Variants in COL4A4 observed in about 807,000 individuals in gnomAD.
The protein encoded by COL4A4 is collagen alpha-4(IV) chain.
In COL4A4, 105 loss-of-function variants were observed where a neutral mutation model predicts 192.9. The observed-to-expected ratio is 0.54, with a 90% CI of 0.46 to 0.64. The LOEUF is 0.64. COL4A4 is among the 30% of genes least tolerant of loss of function. The pLI, the probability that COL4A4 is intolerant of heterozygous loss-of-function variation, is 0.00. For missense variants in COL4A4, 1,967 were observed against 2,169.3 expected (o/e 0.91, Z 1.85); for synonymous variants, 762 against 769.9 (o/e 0.99, Z 0.17).
At chr2:227,024,121 C>A (rs1966565710) in intron 43 of COL4A4, among the ~76,000 whole-genome samples, 1 of 152,182 alleles carries the variant, frequency 6.6e-6, no homozygotes, top group Admixed American at 6.5e-5. Flanking sequence ...CCAGGGCATT[C>A]TGGCTCCAAA....
intron 24 of COL4A4, among the ~76,000 whole-genome samples, chr2:227,079,021 C>T (rs2059184810): frequency 6.6e-6 from 1 of 152,208 alleles, no homozygotes; most frequent in Non-Finnish European, 1.5e-5. Context: ...TTCTCAAAAG[C>T]TGTGCAGTGG....
intron 28 of COL4A4, among the ~76,000 whole-genome samples, chr2:227,058,902 C>T (rs1202744492): frequency 1.1e-5 from 1 of 89,386 alleles, no homozygotes; most frequent in African/African-American, 6.4e-5. Flanking sequence ...TCCTCTCTTG[C>T]GTTTGATGCC....
chr2:227,129,444 C>G (rs191213898), intron 4 of COL4A4, among the ~76,000 whole-genome samples: 1 of 146,106 alleles, frequency 6.8e-6, no homozygotes, highest in Admixed American at 6.9e-5. Context: ...GAGTCTCACT[C>G]TGTCACCCAG....
At chr2:227,098,857 A>G (rs2060348880) in intron 18 of COL4A4, 59 bp from the exon 19 acceptor site, 1 of 1,374,986 alleles carries the variant, frequency 7.3e-7, no homozygotes, top group Admixed American at 1.7e-5. Context: ...TAAAATTAAG[A>G]CAACAATTAC....
intron 4 of COL4A4, among the ~76,000 whole-genome samples, chr2:227,133,756 G>C (rs1051227770): frequency 2.0e-5 from 3 of 152,062 alleles, no homozygotes; most frequent in African/African-American, 7.2e-5. Flanking sequence ...GCCAAGTGCG[G>C]TGGGGGTGCC....
chr2:227,081,809 T>A (rs1035906884), intron 23 of COL4A4, among the ~76,000 whole-genome samples: 8 of 151,968 alleles, frequency 5.3e-5, no homozygotes, highest in African/African-American at 1.9e-4. Context: ...TTGACTAATA[T>A]AGAATACTGT....
intron 44 of COL4A4, among the ~76,000 whole-genome samples, chr2:227,019,519 A>G (rs868211512): frequency 6.6e-6 from 1 of 152,178 alleles, no homozygotes; most frequent in African/African-American, 2.4e-5. Context: ...CCTGTTGAAC[A>G]ATTCTGGCTC....
intron 44 of COL4A4, among the ~76,000 whole-genome samples, chr2:227,013,017 C>G (rs1405589774): frequency 6.6e-6 from 1 of 152,188 alleles, no homozygotes; most frequent in Non-Finnish European, 1.5e-5. Context: ...CCACCAGACC[C>G]TGCGCCTGAC....
intron 1 of COL4A4, among the ~76,000 whole-genome samples, chr2:227,148,841 T>A (rs2063722758): frequency 8.0e-6 from 1 of 125,498 alleles, no homozygotes. Flanking sequence ...TGTTACCAAC[T>A]TTTTTTTTTT....
chr2:227,055,323 G>C (rs1975057424), intron 30 of COL4A4, among the ~76,000 whole-genome samples: 1 of 149,548 alleles, frequency 6.7e-6, no homozygotes, highest in Non-Finnish European at 1.5e-5. Flanking sequence ...GATCAGCCTG[G>C]CTAAAATAGC....
intron 17 of COL4A4, 21 bp from the exon 18 acceptor site, chr2:227,099,710 AC>A: frequency 6.2e-7 from 1 of 1,608,376 alleles, no homozygotes; most frequent in Non-Finnish European, 8.5e-7. Flanking sequence ...TCATTCATTC[AC>A]TTTTTAAAGG....
At chr2:227,152,936 C>T (rs375099415) in intron 1 of COL4A4, among the ~76,000 whole-genome samples, 9 of 152,290 alleles carry the variant, frequency 5.9e-5, no homozygotes, top group African/African-American at 2.2e-4. Flanking sequence ...AATAAATACA[C>T]ACCTGAGACT....
At chr2:227,076,607 A>G (rs2059036314) in intron 25 of COL4A4, among the ~76,000 whole-genome samples, 1 of 152,230 alleles carries the variant, frequency 6.6e-6, no homozygotes, top group Non-Finnish European at 1.5e-5. Context: ...AAAATACCAA[A>G]AGCAATTGCA....
chr2:226,998,212 TG>T (rs1162592788), downstream of COL4A4: 1 of 152,194 alleles, frequency 6.6e-6, no homozygotes, highest in Non-Finnish European at 1.5e-5. Flanking sequence ...CTGAATGTAT[TG>T]CCTGTGATTC....
chr2:227,008,165 G>T lies in COL4A4; in HGVS notation c.4662C>A (p.Leu1554=). ...ASAAPLPMMP[L]SEEAIRPYVS... ...CATAGGGGCGGATCGCCTCTTCAGAGAGTGGCATCATGGGGAGGGGCGCAG... is the reference window on the plus strand; with the variant it reads ...CATAGGGGCGGATCGCCTCTTCAGATAGTGGCATCATGGGGAGGGGCGCAG... The change falls in exon 47 of 48, where the codon CTC becomes CTA. Residue 1554 remains leucine, a synonymous_variant. Transcript: ENST00000396625. The T allele has an allele frequency of 6.2e-7, 1 of 1,614,164 alleles. No homozygotes were observed. The highest frequency in any genetic ancestry group is 8.5e-7 in the Non-Finnish European group (1 of 1,179,966).
At position 227,004,900 on chromosome 2, in the gene COL4A4, AT is replaced by A. The variant is rs1179235356; in HGVS notation, c.*2424del. 1 of 152,282 alleles carries A rather than the reference AT, an allele frequency of 6.6e-6. No individual in the cohort carries two copies. Among genetic ancestry groups the A allele is most frequent in the African/African-American group, 2.4e-5 (1 of 41,458 alleles). 9.4% of individuals were successfully genotyped at this position (152,282 alleles called of 1,614,324 possible). ...AAGGGTTTGATAAGGATCATCTCCA[AT>A]AATGGGTTAGGAGAACAACTTAAAA... On this transcript the variant is annotated 3_prime_UTR_variant, in exon 48 of 48. Coordinates refer to ENST00000396625, the MANE Select transcript of COL4A4 (RefSeq NM_000092.5).
chr2:227,098,222 A>G (rs2060309523), intron 19 of COL4A4, among the ~76,000 whole-genome samples: 1 of 152,204 alleles, frequency 6.6e-6, no homozygotes, highest in African/African-American at 2.4e-5. Flanking sequence ...TGAATGTACT[A>G]AATTTTACAA....
chr2:227,144,530 G>A lies in COL4A4; in HGVS notation c.100C>T (p.Gln34Ter). ...AATGTACTTACCCCATATACATATT[G>A]TACAGAAAAGAGAATGAGTATAAGT... ...WSLILILFSV[Q>*]YVYGSGKKYI... Residue 34 changes from glutamine (Q) to a stop codon, truncating the protein, a stop_gained, in exon 3 of 48, where the codon CAA (glutamine) becomes TAA (stop). Transcript: ENST00000396625. LOFTEE classifies it high-confidence loss of function. 6.2e-7 allele frequency: 1 copy of A among 1,610,110 alleles called. No individual in the cohort carries two copies. Among genetic ancestry groups the A allele is most frequent in the Non-Finnish European group, 8.5e-7 (1 of 1,176,520 alleles).
At chr2:226,996,775 G>T in the COL4A4 span, 1 of 152,192 alleles carries the variant, frequency 6.6e-6, no homozygotes, top group African/African-American at 2.4e-5. Context: ...TGTCTTGGAA[G>T]ATGTGTTTAT....
Sources: gnomAD v4.1 joint callset for allele counts (sites outside exome capture counted in the v4.1 genomes callset) on GRCh38, gnomAD v4.1.1 for gene constraint, MANE v1.5 for transcripts, NCBI Gene and HGNC (gene_info 2026-07-23, HGNC 2026-07-21) for gene names.